Variants in PLXNA2 observed in about 807,000 individuals in gnomAD.
PLXNA2 encodes plexin A2.
PLXNA2 carries 91 observed loss-of-function variants against 193.5 expected under a neutral mutation model. The observed-to-expected ratio is 0.47, with a 90% CI of 0.40 to 0.56. The LOEUF (loss-of-function observed/expected upper bound fraction) is 0.56, where lower values mean the gene tolerates loss of function less well. Among genes scored for constraint, PLXNA2 ranks in the 20% least tolerant of loss-of-function variants. PLXNA2 has a pLI of 0.00. For synonymous variants in PLXNA2, 997 were observed against 1,027.3 expected, an observed-to-expected ratio of 0.97 and a Z score of 0.56; for missense variants, 1,995 against 2,503.2, an observed-to-expected ratio of 0.80 and a Z score of 4.33.
chr1:208,047,148 A>G (rs1203614549), intron 17 of PLXNA2, among the ~76,000 whole-genome samples: 1 of 151,992 alleles, frequency 6.6e-6, no homozygotes, highest in Non-Finnish European at 1.5e-5. Flanking sequence ...TTTAGTAGAG[A>G]CAGGGTTTCA....
chr1:208,053,580 G>A (rs768158178), intron 14 of PLXNA2, among the ~76,000 whole-genome samples: 5 of 152,220 alleles, frequency 3.3e-5, no homozygotes, highest in Non-Finnish European at 7.3e-5. Flanking sequence ...ATAGAATTTT[G>A]TGCTCCAAAG....
intron 12 of PLXNA2, among the ~76,000 whole-genome samples, chr1:208,066,765 T>C (rs929576903): frequency 2.6e-5 from 4 of 152,174 alleles, no homozygotes; most frequent in Admixed American, 1.3e-4. Flanking sequence ...ATGCATGCTA[T>C]TGCCCCTGAA....
chr1:208,217,575 C>A lies in PLXNA2; in HGVS notation c.348G>T (p.Leu116=). The change falls in exon 2 of 32, where the codon CTG becomes CTT. Residue 116 remains leucine, a synonymous_variant. Transcript: ENST00000367033. This position sits in a 1 kb window ranked among gnomAD's most constrained non-coding sequence, Gnocchi z 4.7. ...VLTLTNNVNK[L]LIIDYSENRL... is the part of the protein sequence containing the mutation. ...GGTTCTCAGAGTAGTCAATGATGAG[C>A]AGCTTGTTGACATTGTTGGTGAGGG... 6.2e-7 allele frequency: 1 copy of A among 1,614,186 alleles called. No homozygotes were observed. Among genetic ancestry groups the A allele is most frequent in the Non-Finnish European group, 8.5e-7 (1 of 1,180,030 alleles).
intron 13 of PLXNA2, among the ~76,000 whole-genome samples, chr1:208,058,418 C>T (rs960802932): frequency 2.6e-5 from 4 of 152,188 alleles, no homozygotes; most frequent in Non-Finnish European, 4.4e-5. Context: ...GAATCATTAC[C>T]GTGCTGGCGA....
intron 4 of PLXNA2, among the ~76,000 whole-genome samples, chr1:208,105,349 C>T (rs764781277): frequency 1.7e-4 from 26 of 152,230 alleles, no homozygotes; most frequent in African/African-American, 4.8e-4. Flanking sequence ...TCCAAAGGAA[C>T]GCCTATCACA....
chr1:208,096,752 G>T lies in PLXNA2; in HGVS notation c.1863C>A (p.Val621=). The T allele has an allele frequency of 6.2e-7, 1 of 1,614,164 alleles. No individual in the cohort carries two copies. The highest frequency in any genetic ancestry group is 2.2e-5 in the East Asian group (1 of 44,874). The change falls in exon 7 of 32, where the codon GTC becomes GTA. Residue 621 remains valine, a synonymous_variant. Transcript: ENST00000367033. ...TACCTTGATCCAGCGGGATGACAGG[G>T]ACATCCTTGGGCCCAGGTGAGATGC... The part of the protein sequence containing the change: ...VICISPGPKD[V]PVIPLDQDWF...
chr1:208,153,496 G>A (rs1668834349), intron 3 of PLXNA2, among the ~76,000 whole-genome samples: 2 of 152,178 alleles, frequency 1.3e-5, no homozygotes. Context: ...GGAACCTGGC[G>A]TGTAAACACC....
In PLXNA2 at chr1:208,231,107, G is replaced by A. The variant is rs528156228; in HGVS notation, c.-81+12536C>T. ...CTTGAGGCGCTATCAGCCCAGCCCC[G>A]GACCTCTTGGATCCCTCAGCCCACT... On this transcript the variant is annotated intron_variant, in intron 1 of 31. Coordinates refer to ENST00000367033, the MANE Select transcript of PLXNA2 (RefSeq NM_025179.4). Among the ~76,000 whole-genome samples the A allele has an allele frequency of 2.6e-5, 4 of 152,256 alleles. No individual in the cohort carries two copies. In the South Asian group the frequency reaches 6.2e-4, roughly 24 times the overall value.
intron 3 of PLXNA2, among the ~76,000 whole-genome samples, chr1:208,192,546 A>G (rs569677799): frequency 6.6e-6 from 1 of 152,242 alleles, no homozygotes; most frequent in African/African-American, 2.4e-5. Context: ...AGAAGGGTGG[A>G]GTTGGGAGTT....
chr1:208,191,934 G>A (rs1558236831), intron 3 of PLXNA2, among the ~76,000 whole-genome samples: 1 of 152,170 alleles, frequency 6.6e-6, no homozygotes, highest in Non-Finnish European at 1.5e-5. Context: ...ATGAAGACGT[G>A]TCAGGGTCAG....
At chr1:208,146,390 G>C (rs560409002) in intron 3 of PLXNA2, among the ~76,000 whole-genome samples, 5 of 152,320 alleles carry the variant, frequency 3.3e-5, no homozygotes, top group Admixed American at 2.0e-4. Flanking sequence ...AGCTAATCTT[G>C]TCTAAACTCT....
chr1:208,214,126 T>TAA (rs201843033), intron 2 of PLXNA2, among the ~76,000 whole-genome samples: 22 of 144,994 alleles, frequency 1.5e-4, no homozygotes, highest in African/African-American at 1.8e-4. Context: ...ATTTTGGCGT[T>TAA]AAAAAAAAAA....
chr1:208,031,076 T>C (rs1332814836), intron 29 of PLXNA2: 11 of 990,404 alleles, frequency 1.1e-5, no homozygotes, highest in African/African-American at 3.5e-5. Context: ...TCCCTGTCAG[T>C]GGGCTCAAGT....
chr1:208,212,582 C>T (rs1319922353), intron 2 of PLXNA2, among the ~76,000 whole-genome samples: 1 of 152,176 alleles, frequency 6.6e-6, no homozygotes, highest in Admixed American at 6.5e-5. Flanking sequence ...AGTGACATCC[C>T]ATGATGCTTG....
chr1:208,043,974 C>T (rs1664966443), intron 20 of PLXNA2, among the ~76,000 whole-genome samples: 1 of 152,250 alleles, frequency 6.6e-6, no homozygotes, highest in Admixed American at 6.5e-5. Context: ...TGGGAGAAAA[C>T]ACAATCTGCA....
At chr1:208,046,341 A>G (rs1482965182) in intron 17 of PLXNA2, among the ~76,000 whole-genome samples, 1 of 152,158 alleles carries the variant, frequency 6.6e-6, no homozygotes, top group Non-Finnish European at 1.5e-5. Flanking sequence ...CTATTTGGGC[A>G]TCTAGTTTCT....
At chr1:208,068,367 C>A (rs967580152) in intron 12 of PLXNA2, among the ~76,000 whole-genome samples, 2 of 152,158 alleles carry the variant, frequency 1.3e-5, no homozygotes, top group African/African-American at 4.8e-5. Context: ...ATCTCCCTTG[C>A]TTTAATTTAA....
chr1:208,110,194 C>T (rs1217404710), intron 4 of PLXNA2, among the ~76,000 whole-genome samples: 1 of 152,208 alleles, frequency 6.6e-6, no homozygotes, highest in Non-Finnish European at 1.5e-5. Context: ...AAAGTCCAGG[C>T]CCCCTCCCTC....
chr1:208,030,237 A>T (rs1390929160), intron 29 of PLXNA2: 7 of 985,386 alleles, frequency 7.1e-6, no homozygotes, highest in Non-Finnish European at 7.2e-6. Context: ...AGTTTCTGGT[A>T]ATCTTTCCCT....
Sources: allele counts gnomAD v4.1 joint callset (sites outside exome capture counted in the v4.1 genomes callset), GRCh38; gene constraint gnomAD v4.1.1; non-coding constraint Gnocchi (gnomAD v3.1); transcripts MANE v1.5; gene names NCBI Gene and HGNC (gene_info 2026-07-23, HGNC 2026-07-21).